The following NAALADL2 variants were observed in gnomAD, a reference collection of about 807,000 sequenced individuals.
NAALADL2 encodes the protein N-acetylated alpha-linked acidic dipeptidase like 2.
In NAALADL2, 76 loss-of-function variants were observed where a neutral mutation model predicts 87.2. The ratio of observed to expected loss-of-function variants is 0.87; its 90% CI spans 0.72 to 1.05. The LOEUF (loss-of-function observed/expected upper bound fraction) is 1.05. Ranked by LOEUF, NAALADL2 falls within the 50% of genes least tolerant of loss-of-function variation. The pLI is 0.00. For missense variants in NAALADL2, 1,089 were observed against 945.8 expected (o/e 1.15, Z -1.99); for synonymous variants, 354 against 331.0 (o/e 1.07, Z -0.75).
chr3:175,485,577 C>G (rs1727139227), intron 9 of NAALADL2, among the ~76,000 whole-genome samples: 1 of 152,136 alleles, frequency 6.6e-6, no homozygotes, highest in African/African-American at 2.4e-5. Flanking sequence ...AGTCCAAAAG[C>G]CACAGAACCT....
chr3:175,054,710 T>C (rs1711742866), intron 1 of NAALADL2, among the ~76,000 whole-genome samples: 1 of 152,198 alleles, frequency 6.6e-6, no homozygotes, highest in African/African-American at 2.4e-5. Flanking sequence ...TCTTAAACCT[T>C]GGTGGGAACT....
chr3:174,967,535 C>A (rs1256403736), intron 1 of NAALADL2, among the ~76,000 whole-genome samples: 1 of 152,150 alleles, frequency 6.6e-6, no homozygotes, highest in Non-Finnish European at 1.5e-5. Flanking sequence ...TTGACCAATG[C>A]TATTTCAGAA....
intron 1 of NAALADL2, among the ~76,000 whole-genome samples, chr3:174,988,067 T>C (rs1464200975): frequency 6.6e-6 from 1 of 151,986 alleles, no homozygotes; most frequent in African/African-American, 2.4e-5. Context: ...TCAGTCATGG[T>C]TCAAGTTATG....
chr3:175,145,967 T>C (rs1730693174), intron 2 of NAALADL2, among the ~76,000 whole-genome samples: 3 of 152,132 alleles, frequency 2.0e-5, no homozygotes, highest in Non-Finnish European at 4.4e-5. Flanking sequence ...GTGGAAATTG[T>C]TTTCCATGTT....
rs1346385871 is a variant in NAALADL2 at position 174,642,780 on chromosome 3, A to G, written c.-115+92143A>G. Among the ~76,000 whole-genome samples, 7 of 74,464 alleles carry G rather than the reference A, an allele frequency of 9.4e-5. No individual in the cohort carries two copies. The South Asian group carries it at 1.8e-3, about 19-fold the overall frequency. 48.9% of individuals were successfully genotyped at this position (74,464 alleles called of 152,430 possible). On this transcript the variant is annotated intron_variant, in intron 2 of 3. Transcript: ENST00000434257. ...TATATATATATATATATATATATATATATATATATGTTTTTTTTCATGAAA... is the reference window on the plus strand; with the variant it reads ...TATATATATATATATATATATATATGTATATATATGTTTTTTTTCATGAAA...
chr3:175,749,559 G>A (rs894361477), intron 12 of NAALADL2, among the ~76,000 whole-genome samples: 11 of 152,036 alleles, frequency 7.2e-5, no homozygotes, highest in Non-Finnish European at 1.3e-4. Context: ...AAAACAAAGA[G>A]AGAGAACCCA....
chr3:174,673,092 TAAAG>T (rs907787199), intron 2 of NAALADL2, among the ~76,000 whole-genome samples: 12 of 151,906 alleles, frequency 7.9e-5, no homozygotes, highest in Middle Eastern at 3.4e-3. Context: ...ATAGAGAAAA[TAAAG>T]AAAAGATACA....
Position 174,941,764 on chromosome 3 carries a change from GTT to G in NAALADL2, c.43+82322_43+82323del, listed in dbSNP as rs61543609. 2.4e-3 allele frequency among the ~76,000 whole-genome samples: 359 copies of G among 151,658 alleles called. 3 individuals are homozygous for G. The highest frequency in any genetic ancestry group is 8.4e-3 in the African/African-American group (349 of 41,388). On this transcript the variant is annotated intron_variant, in intron 1 of 13. Coordinates refer to ENST00000454872, the MANE Select transcript of NAALADL2 (RefSeq NM_207015.3). ...ACTATTATATAATGTACTTCTTTAT[GTT>G]TTTTTTTATTTTTTGTTGGTTTGAA...
At chr3:175,499,008 G>T (rs771404589) in intron 9 of NAALADL2, among the ~76,000 whole-genome samples, 10 of 151,882 alleles carry the variant, frequency 6.6e-5, no homozygotes, top group Non-Finnish European at 1.2e-4. Flanking sequence ...TGAATTTCAG[G>T]TTATTTTCTC....
intron 13 of NAALADL2, among the ~76,000 whole-genome samples, chr3:175,786,406 A>G (rs536865802): frequency 1.3e-5 from 2 of 151,166 alleles, no homozygotes; most frequent in East Asian, 2.0e-4. Context: ...ATTGCTTTTT[A>G]CTCTTTTTTC....
intron 1 of NAALADL2, among the ~76,000 whole-genome samples, chr3:174,877,947 T>C (rs1485458755): frequency 6.6e-6 from 1 of 152,092 alleles, no homozygotes; most frequent in East Asian, 1.9e-4. Context: ...TGGAGACTCA[T>C]GTAGTTAGAG....
chr3:174,778,746 G>T (rs1048221975), intron 3 of NAALADL2, among the ~76,000 whole-genome samples: 2 of 152,050 alleles, frequency 1.3e-5, no homozygotes, highest in Non-Finnish European at 2.9e-5. Context: ...TTCTGTTCCT[G>T]TGTTAGTTTG....
At chr3:175,648,433 A>T (rs1730304987) in intron 11 of NAALADL2, among the ~76,000 whole-genome samples, 1 of 151,718 alleles carries the variant, frequency 6.6e-6, no homozygotes, top group Admixed American at 6.6e-5. Flanking sequence ...AGAATTTGGA[A>T]CTATAGTACC....
At chr3:174,623,275 G>C (rs996235969) in intron 2 of NAALADL2, among the ~76,000 whole-genome samples, 4 of 152,014 alleles carry the variant, frequency 2.6e-5, no homozygotes, top group Non-Finnish European at 5.9e-5. Context: ...AACAGGAAGG[G>C]GCTACAAAAT....
At chr3:175,078,886 T>C (rs1717181796) in intron 1 of NAALADL2, among the ~76,000 whole-genome samples, 1 of 152,250 alleles carries the variant, frequency 6.6e-6, no homozygotes, top group Admixed American at 6.5e-5. Context: ...TGATTAATGC[T>C]GCTCTAAAAC....
At chr3:175,536,778 G>T (rs769318177) in intron 9 of NAALADL2, among the ~76,000 whole-genome samples, 1 of 152,134 alleles carries the variant, frequency 6.6e-6, no homozygotes, top group Non-Finnish European at 1.5e-5. Context: ...CTCTCAAAGT[G>T]CTGGGATTAC....
At chr3:175,688,542 C>T (rs1397485389) in intron 11 of NAALADL2, among the ~76,000 whole-genome samples, 1 of 152,116 alleles carries the variant, frequency 6.6e-6, no homozygotes, top group Non-Finnish European at 1.5e-5. Flanking sequence ...ATGTCAATTC[C>T]TTGCTGTTCT....
In NAALADL2 at chr3:174,816,859, T is replaced by G. The variant is rs542754358; in HGVS notation, c.-9+79113T>G. On this transcript the variant is annotated intron_variant, in intron 3 of 3. Transcript: ENST00000434257. ...ACTGAGATTTCTAAAACCAGCTCAA[T>G]GATTAGGAGTGCATTAGTGTGCCTG... 1.1e-4 allele frequency among the ~76,000 whole-genome samples: 17 copies of G among 152,290 alleles called. No individual in the cohort carries two copies. The South Asian group carries it at 3.5e-3, about 32-fold the overall frequency.
At chr3:175,430,083 T>C (rs1053785810) in intron 5 of NAALADL2, among the ~76,000 whole-genome samples, 3 of 151,910 alleles carry the variant, frequency 2.0e-5, no homozygotes, top group African/African-American at 7.2e-5. Flanking sequence ...TTTACTTAGA[T>C]AATTAAAAAT....
Sources: gnomAD v4.1 joint callset for allele counts (sites outside exome capture counted in the v4.1 genomes callset) on GRCh38, gnomAD v4.1.1 for gene constraint, MANE v1.5 for transcripts, NCBI Gene and HGNC (gene_info 2026-07-23, HGNC 2026-07-21) for gene names.